Variants in ARMCX4 observed in about 807,000 individuals in gnomAD.
ARMCX4 encodes armadillo repeat containing X-linked 4.
A neutral mutation model predicts 34.7 loss-of-function variants in ARMCX4; 3 were observed. That is an observed-to-expected ratio of 0.09 (90% CI 0.04 to 0.22). ARMCX4 has a LOEUF of 0.22. ARMCX4 is among the 10% of genes least tolerant of loss of function. ARMCX4 has a pLI of 1.00. For synonymous variants in ARMCX4, 513 were observed against 632.8 expected (o/e 0.81, Z 2.84); for missense variants, 1,448 against 1,720.8 (o/e 0.84, Z 2.81).
Position 101,491,876 on chromosome X carries a change from A to C in ARMCX4, c.3287A>C (p.Tyr1096Ser), listed in dbSNP as rs1328063118. ...RKTQPNIHDY[Y>S]WNGIGVEDWI... The stretch of plus-strand genomic sequence containing the variant: ...ACTCAGCCTAACATCCATGACTACT[A>C]CTGGAATGGGATTGGTGTTGAAGAC... The change falls in exon 6 of 6, where the codon TAC becomes TCC. Residue 1096 changes from tyrosine to serine, a missense_variant. By Grantham distance (144) the Tyr-to-Ser change is moderately radical (BLOSUM62 -2). Coordinates refer to ENST00000423738, the MANE Select transcript of ARMCX4 (RefSeq NM_001256155.3). 8.7e-7 allele frequency: 1 copy of C among 1,154,062 alleles called. No individual in the cohort carries two copies. Among genetic ancestry groups the C allele is most frequent in the Non-Finnish European group, 1.1e-6 (1 of 871,810 alleles).
In ARMCX4 at chrX:101,494,107, G is replaced by T; in HGVS notation, c.5518G>T (p.Gly1840Trp). ...EAGAEAGAGA[G>W]AGPGTESGAG... Reference sequence around the variant, plus strand: ...TGGGGCTGAGGCTGGGGCTGGGGCTGGGGCTGGGCCTGGGACTGAGTCTGG... The same window carrying T: ...TGGGGCTGAGGCTGGGGCTGGGGCTTGGGCTGGGCCTGGGACTGAGTCTGG... Residue 1840 changes from glycine to tryptophan, a missense_variant, in exon 6 of 6, where the codon GGG becomes TGG. Around this residue, in one of 2 missense-constraint regions of ARMCX4, gnomAD observed 1,343 missense variants for 1,540.7 expected, o/e 0.87. Coordinates refer to ENST00000423738, the MANE Select transcript of ARMCX4 (RefSeq NM_001256155.3). 3.0e-6 allele frequency: 3 copies of T among 1,008,229 alleles called. No individual in the cohort carries two copies. The highest frequency in any genetic ancestry group is 3.9e-6 in the Non-Finnish European group (3 of 767,824). The allele number at this position is 1,008,229 out of a possible 1,213,427, so 83.1% of individuals were successfully genotyped here.
chrX:101,433,627 A>G (rs961235321), intron 2 of ARMCX4, among the ~76,000 whole-genome samples: 1 of 112,037 alleles, frequency 8.9e-6, no homozygotes, highest in South Asian at 3.6e-4. Context: ...GAAAATGTCT[A>G]TAAATGAATC....
At chrX:101,487,571 G>T in intron 3 of ARMCX4, 37 bp from the exon 4 acceptor site, 1 of 802,500 alleles carries the variant, frequency 1.2e-6, no homozygotes, top group Non-Finnish European at 1.6e-6. Context: ...CCAGGGACTC[G>T]GTTTCCATTA....
chrX:101,464,184 C>T, intron 4 of ARMCX4, among the ~76,000 whole-genome samples: 1 of 109,529 alleles, frequency 9.1e-6, no homozygotes, highest in Non-Finnish European at 1.9e-5. Context: ...ACCAGCTTTG[C>T]CAACATGGTG....
intron 11 of ARMCX4, among the ~76,000 whole-genome samples, chrX:101,515,465 TCCTC>T (rs1198191576): frequency 1.2e-3 from 32 of 27,760 alleles, no homozygotes; most frequent in African/African-American, 2.0e-3. Flanking sequence ...CTTCCTTCCT[TCCTC>T]CCTCCCTCCC....
At position 101,489,266 on chromosome X, in the gene ARMCX4, A is replaced by G; in HGVS notation, c.677A>G (p.Asn226Ser). ...GAAGTGGCCAAGATGGGGGCCACGA[A>G]CAAGACTGGAATTGTGGATGAAACC... Reference protein sequence around the residue: ...PREVAKMGATNKTGIVDETKT... With the variant: ...PREVAKMGATSKTGIVDETKT... Residue 226 changes from asparagine (N) to serine (S), a missense_variant, in exon 6 of 6, where the codon AAC becomes AGC. This residue lies in a region of ARMCX4 where 1,343 missense variants were observed against 1,540.7 expected (regional missense o/e 0.87). Transcript: ENST00000423738. 8.6e-7 allele frequency: 1 copy of G among 1,156,111 alleles called. No individual in the cohort carries two copies. Among genetic ancestry groups the G allele is most frequent in the Non-Finnish European group, 1.1e-6 (1 of 872,883 alleles).
chrX:101,530,161 A>C (rs1334750869), intron 11 of ARMCX4, among the ~76,000 whole-genome samples: 2 of 112,261 alleles, frequency 1.8e-5, no homozygotes, highest in African/African-American at 6.5e-5. Flanking sequence ...GCCATAAAAA[A>C]GGATTAGTTC....
At chrX:101,455,985 C>T (rs1335140254) in intron 4 of ARMCX4, among the ~76,000 whole-genome samples, 1 of 111,744 alleles carries the variant, frequency 8.9e-6, no homozygotes, top group African/African-American at 3.3e-5. Context: ...CTGCAAAGAA[C>T]ATGATCTCAT....
chrX:101,507,938 A>G (rs1364583229), intron 8 of ARMCX4, among the ~76,000 whole-genome samples: 15 of 112,572 alleles, frequency 1.3e-4, no homozygotes, highest in Non-Finnish European at 1.1e-4. Context: ...AAAAATTCCT[A>G]TCAGCTAGTG....
chrX:101,494,732 G>T lies in ARMCX4; in HGVS notation c.6143G>T (p.Cys2048Phe). 8.7e-7 allele frequency: 1 copy of T among 1,154,681 alleles called. No individual in the cohort carries two copies. Among genetic ancestry groups the T allele is most frequent in the Non-Finnish European group, 1.1e-6 (1 of 871,837 alleles). Residue 2048 changes from cysteine (C) to phenylalanine (F), a missense_variant, in exon 6 of 6, where the codon TGC (cysteine) becomes TTC (phenylalanine). Physicochemically the swap from Cys to Phe is radical, Grantham distance 205. Around this residue, in one of 2 missense-constraint regions of ARMCX4, gnomAD observed 105 missense variants for 180.2 expected, o/e 0.58. Transcript: ENST00000423738. Reference protein sequence around the residue: ...MDPRDLEKLICMIEMTEDPSV... With the variant: ...MDPRDLEKLIFMIEMTEDPSV... ...CCACGAGATCTTGAAAAACTCATTT[G>T]CATGATTGAGATGACTGAAGATCCT... is the stretch of plus-strand genomic sequence containing the variant.
rs1285610287 is a variant in ARMCX4, at chrX:101,421,095, C to T, written n.164+2095C>T. Among the ~76,000 whole-genome samples the T allele has an allele frequency of 3.9e-5, 4 of 103,806 alleles. 1 individual carries two copies. Among genetic ancestry groups the T allele is most frequent in the Non-Finnish European group, 5.8e-5 (3 of 51,611 alleles). 90.1% of individuals were successfully genotyped at this position (103,806 alleles called of 115,157 possible). ...GTGCATGCTTGTAATCCCAGCTACT[C>T]GGGAGGGTGAGGCAGGAGAATCGCT... is the stretch of plus-strand genomic sequence containing the variant. On this transcript the variant is annotated intron_variant and non_coding_transcript_variant, in intron 2 of 3. Coordinates refer to the ARMCX4 transcript ENST00000430461.
At position 101,490,853 on chromosome X, in the gene ARMCX4, A is replaced by G. The variant is rs782183741; in HGVS notation, c.2264A>G (p.Asn755Ser). The change falls in exon 6 of 6, where the codon AAT (asparagine) becomes AGT (serine). Residue 755 changes from asparagine (N) to serine (S), a missense_variant. Asn to Ser is a conservative substitution (Grantham distance 46). Coordinates refer to ENST00000423738, the MANE Select transcript of ARMCX4 (RefSeq NM_001256155.3). ...TDSARLQAVA[N>S]SQGEVLPGAK... ...TCTGCCCGGCTCCAGGCTGTGGCCA[A>G]TTCTCAGGGTGAGGTCTTGCCTGGT... 32 of 1,108,306 alleles carry G rather than the reference A, an allele frequency of 2.9e-5. No individual in the cohort carries two copies. Among genetic ancestry groups the G allele is most frequent in the South Asian group, 8.1e-5 (4 of 49,379 alleles). The allele number at this position is 1,108,306 out of a possible 1,213,427, so 91.3% of individuals were successfully genotyped here.
intron 2 of ARMCX4, among the ~76,000 whole-genome samples, chrX:101,428,001 A>T (rs1555991289): frequency 8.9e-6 from 1 of 112,072 alleles, no homozygotes; most frequent in African/African-American, 3.2e-5. Flanking sequence ...AAAGTATAGC[A>T]TTCTATAATT....
At chrX:101,474,328 A>G (rs1312728321) in intron 4 of ARMCX4, among the ~76,000 whole-genome samples, 2 of 105,967 alleles carry the variant, frequency 1.9e-5, no homozygotes, top group Non-Finnish European at 3.9e-5. Context: ...TAGTTTACCA[A>G]CCAAAAAGAG....
At chrX:101,527,597 G>T (rs1227859287) in intron 11 of ARMCX4, among the ~76,000 whole-genome samples, 1 of 111,199 alleles carries the variant, frequency 9.0e-6, no homozygotes, top group African/African-American at 3.3e-5. Flanking sequence ...GACTAATAAA[G>T]AAGAAAAGAG....
At chrX:101,478,821 A>G (rs373042705) in intron 4 of ARMCX4, among the ~76,000 whole-genome samples, 44 of 112,023 alleles carry the variant, frequency 3.9e-4, no homozygotes, top group African/African-American at 1.4e-3. Context: ...AAACAACATT[A>G]TAGAATAAAT....
At chrX:101,529,477 A>T (rs1374185186) in intron 11 of ARMCX4, among the ~76,000 whole-genome samples, 1 of 112,211 alleles carries the variant, frequency 8.9e-6, no homozygotes, top group East Asian at 2.8e-4. Context: ...GCCAAAATTG[A>T]CAAATGGGAT....
At chrX:101,474,336 G>A (rs1383126833) in intron 4 of ARMCX4, among the ~76,000 whole-genome samples, 1 of 106,726 alleles carries the variant, frequency 9.4e-6, no homozygotes, top group Non-Finnish European at 1.9e-5. Context: ...CAACCAAAAA[G>A]AGTCCAGGAC....
intron 2 of ARMCX4, among the ~76,000 whole-genome samples, chrX:101,486,645 T>G (rs1423941348): frequency 5.4e-5 from 6 of 111,458 alleles, no homozygotes; most frequent in African/African-American, 1.6e-4. Context: ...ATAATTTGCC[T>G]TGTTGGGCCT....
Sources: gnomAD v4.1 joint callset for allele counts (sites outside exome capture counted in the v4.1 genomes callset) on GRCh38, gnomAD v4.1.1 for gene constraint, gnomAD v4.1.1 regional missense constraint, MANE v1.5 for transcripts, NCBI Gene and HGNC (gene_info 2026-07-23, HGNC 2026-07-21) for gene names.